The following UCP1 variants were observed in gnomAD, a reference collection of about 807,000 sequenced individuals.
UCP1 encodes the protein mitochondrial brown fat uncoupling protein 1.
A neutral mutation model predicts 26.2 loss-of-function variants in UCP1; 24 were observed. The ratio of observed to expected loss-of-function variants is 0.92; its 90% CI spans 0.66 to 1.29. The LOEUF (loss-of-function observed/expected upper bound fraction) is 1.29, where lower values mean the gene tolerates loss of function less well. Among genes scored for constraint, UCP1 ranks in the 50% most tolerant of loss-of-function variants. The pLI is 0.00. For synonymous variants in UCP1, 164 were observed against 156.8 expected, an observed-to-expected ratio of 1.05 and a Z score of -0.34; for missense variants, 402 against 388.7, an observed-to-expected ratio of 1.03 and a Z score of -0.29.
chr4:140,568,456 C>A, intron 1 of UCP1, 148 bp downstream of exon 1: 1 of 1,352,010 alleles, frequency 7.4e-7, no homozygotes, highest in Non-Finnish European at 1.0e-6. Flanking sequence ...TCCTAAAGCA[C>A]CAGCCCTGGG....
Position 140,567,840 on chromosome 4 carries a change from G to T in UCP1, c.264C>A (p.Ser88=), listed in dbSNP as rs138241273. The T allele has an allele frequency of 1.2e-6, 2 of 1,614,100 alleles. No homozygotes were observed. The highest frequency in any genetic ancestry group is 1.7e-6 in the Non-Finnish European group (2 of 1,180,010). The change falls in exon 2 of 6, where the codon TCC becomes TCA. Residue 88 remains serine, a synonymous_variant. Transcript: ENST00000262999. ...LPAGLQRQIS[S]ASLRIGLYDT... ...CGTAGAGGCCGATCCTGAGAGAGGCGGAGCTGATTTGCCGCTGAAGCCCCG... is the reference window on the plus strand; with the variant it reads ...CGTAGAGGCCGATCCTGAGAGAGGCTGAGCTGATTTGCCGCTGAAGCCCCG...
chr4:140,563,044 C>A, intron 4 of UCP1, 66 bp downstream of exon 4: 1 of 1,250,264 alleles, frequency 8.0e-7, no homozygotes, highest in East Asian at 2.3e-5. Context: ...TATAAGGTGG[C>A]TGCAGAAGCT....
At chr4:140,567,640 T>A in intron 2 of UCP1, 139 bp downstream of exon 2, 1 of 1,107,450 alleles carries the variant, frequency 9.0e-7, no homozygotes, top group Non-Finnish European at 1.3e-6. Context: ...AATGAGCTAA[T>A]GTTTGGGGAA....
rs746972878 is a variant in UCP1 at position 140,559,864 on chromosome 4, A to C, written c.*32T>G. ...TTATGATCCAGTCAGCAAGATTCCC[A>C]CTGGTATGTTACATCATTTTCTTGA... On this transcript the variant is annotated 3_prime_UTR_variant, in exon 6 of 6. Coordinates refer to ENST00000262999, the MANE Select transcript of UCP1 (RefSeq NM_021833.5). The C allele has an allele frequency of 1.6e-5, 25 of 1,524,550 alleles. No homozygotes were observed. The Admixed American group carries it at 4.2e-4, about 25-fold the overall frequency. The allele number at this position is 1,524,550 out of a possible 1,614,324, so 94.4% of individuals were successfully genotyped here.
At chr4:140,563,015 T>C (rs1419721608) in intron 4 of UCP1, 95 bp downstream of exon 4, 37 of 984,388 alleles carry the variant, frequency 3.8e-5, no homozygotes, top group Non-Finnish European at 5.5e-5. Flanking sequence ...GAGAAAACTA[T>C]TGGAGTTAAG....
chr4:140,566,664 A>G (rs1168806550), intron 2 of UCP1, among the ~76,000 whole-genome samples: 3 of 152,238 alleles, frequency 2.0e-5, no homozygotes, highest in African/African-American at 7.2e-5. Context: ...CACAGCAGAA[A>G]TGATGAAATC....
intron 1 of UCP1, 135 bp downstream of exon 1, chr4:140,568,469 A>G (rs1735854073): frequency 1.4e-6 from 2 of 1,445,508 alleles, no homozygotes; most frequent in Admixed American, 3.9e-5. Context: ...GCCCTGGGAC[A>G]AGGCCAGACT....
intron 4 of UCP1, among the ~76,000 whole-genome samples, chr4:140,562,843 C>T (rs192632180): frequency 6.6e-5 from 10 of 151,998 alleles, no homozygotes; most frequent in African/African-American, 2.4e-4. Flanking sequence ...AACAAAAGTC[C>T]CATATATTAG....
chr4:140,567,765 C>A lies in UCP1; in HGVS notation c.325+14G>T, dbSNP rs550995710. On this transcript the variant is annotated intron_variant, in intron 2 of 5. Coordinates refer to ENST00000262999, the MANE Select transcript of UCP1 (RefSeq NM_021833.5). ...AAGGCTTTTCTGCCCCTCCCAGGAA[C>A]GCTCACGGCTTACTTTCTTTCCCTG... 10 of 1,613,738 alleles carry A rather than the reference C, an allele frequency of 6.2e-6. No homozygotes were observed. The highest frequency in any genetic ancestry group is 1.7e-5 in the Admixed American group (1 of 60,026).
Position 140,568,795 on chromosome 4 carries a change from T to A in UCP1, c.-66A>T. 1 of 1,539,164 alleles carries A rather than the reference T, an allele frequency of 6.5e-7. No individual in the cohort carries two copies. On this transcript the variant is annotated 5_prime_UTR_variant, in exon 1 of 6. Transcript: ENST00000262999. ...GCCCCGAAGGTGGAGGAAGTTCCTT[T>A]CCCTTGCTCTTCACGCCTGTCCGCC...
rs747529959 is a variant in UCP1, at chr4:140,568,649, C to T, written c.81G>A (p.Ala27=). The change falls in exon 1 of 6, where the codon GCG becomes GCA. Residue 27 remains alanine, a synonymous_variant. Transcript: ENST00000262999. ...TGTCCAGCGGGAAGGTGATCACGTC[C>T]GCCAAGCACGCCGCTATTCCAGCTG... ...LFSAGIAACL[A]DVITFPLDTA... 8.1e-6 allele frequency: 13 copies of T among 1,611,936 alleles called. No individual in the cohort carries two copies. Among genetic ancestry groups the T allele is most frequent in the East Asian group, 2.2e-5 (1 of 44,830 alleles).
chr4:140,568,792 C>A lies in UCP1; in HGVS notation c.-63G>T. 8.4e-6 allele frequency: 13 copies of A among 1,539,972 alleles called. No individual in the cohort carries two copies. The highest frequency in any genetic ancestry group is 1.1e-5 in the Non-Finnish European group (13 of 1,148,024). ...CCAGCCCCGAAGGTGGAGGAAGTTC[C>A]TTTCCCTTGCTCTTCACGCCTGTCC... On this transcript the variant is annotated 5_prime_UTR_variant, in exon 1 of 6. It adds an upstream start codon to the 5' untranslated region. Transcript: ENST00000262999.
In UCP1 at chr4:140,562,261, C is replaced by T; in HGVS notation, c.741G>A (p.Gln247=). ...KTRFINSPPG[Q]YKSVPNCAMK... is the part of the protein sequence containing the mutation. ...TTGCACAGTTGGGCACACTTTTGTA[C>T]TGTCCTGGTGGAGAATTAATAAATC... The change falls in exon 5 of 6, where the codon CAG becomes CAA. Residue 247 remains glutamine (Q), a synonymous_variant. Coordinates refer to ENST00000262999, the MANE Select transcript of UCP1 (RefSeq NM_021833.5). 1 of 1,614,152 alleles carries T rather than the reference C, an allele frequency of 6.2e-7. No individual in the cohort carries two copies.
Position 140,562,253 on chromosome 4 carries a change from C to A in UCP1, c.749G>T (p.Ser250Ile). The change falls in exon 5 of 6, where the codon AGT becomes ATT. Residue 250 changes from serine (S) to isoleucine (I), a missense_variant. Ser to Ile is a moderately radical substitution (Grantham distance 142, BLOSUM62 -2). Transcript: ENST00000262999. ...FINSPPGQYK[S>I]VPNCAMKVFT... Reference sequence around the variant, plus strand: ...CACTTTCATTGCACAGTTGGGCACACTTTTGTACTGTCCTGGTGGAGAATT... The same window carrying A: ...CACTTTCATTGCACAGTTGGGCACAATTTTGTACTGTCCTGGTGGAGAATT... 1 of 1,614,160 alleles carries A rather than the reference C, an allele frequency of 6.2e-7. No homozygotes were observed. The highest frequency in any genetic ancestry group is 8.5e-7 in the Non-Finnish European group (1 of 1,180,010).
At position 140,563,365 on chromosome 4, in the gene UCP1, G is replaced by C. The variant is rs200389729; in HGVS notation, c.479C>G (p.Ala160Gly). The C allele has an allele frequency of 3.7e-6, 6 of 1,614,026 alleles. No individual in the cohort carries two copies. The highest frequency in any genetic ancestry group is 3.3e-4 in the Middle Eastern group (2 of 6,062). Residue 160 changes from alanine to glycine, a missense_variant, in exon 3 of 6, where the codon GCG becomes GGG. Physicochemically the swap from Ala to Gly is moderately conservative, Grantham distance 60 (BLOSUM62 0). Coordinates refer to ENST00000262999, the MANE Select transcript of UCP1 (RefSeq NM_021833.5). ...TTCGGTTGTTGCTATTATTCTGTAC[G>C]CATTATAAGTCCCCGTGTAGCGAGG... ...IKPRYTGTYNAYRIIATTEGL... is the reference protein window; with the variant it reads ...IKPRYTGTYNGYRIIATTEGL...
Position 140,567,918 on chromosome 4 carries a change from G to A in UCP1, c.186C>T (p.Ile62=). 6.2e-7 allele frequency: 1 copy of A among 1,614,210 alleles called. No homozygotes were observed. Among genetic ancestry groups the A allele is most frequent in the Non-Finnish European group, 8.5e-7 (1 of 1,180,042 alleles). Residue 62 remains isoleucine, a synonymous_variant, in exon 2 of 6, where the codon ATC becomes ATT. Transcript: ENST00000262999. ...VIRYKGVLGT[I]TAVVKTEGRM... ...GCCCTTCTGTTTTTACCACAGCGGT[G>A]ATTGTTCCCAGGACACCTTTATACC...
chr4:140,563,928 C>A (rs1045399643), intron 2 of UCP1, among the ~76,000 whole-genome samples: 3 of 152,102 alleles, frequency 2.0e-5, no homozygotes, highest in African/African-American at 7.2e-5. Flanking sequence ...ATTCTTACAG[C>A]TTTTCTATTT....
At position 140,559,966 on chromosome 4, in the gene UCP1, A is replaced by G; in HGVS notation, c.854T>C (p.Met285Thr). Residue 285 changes from methionine to threonine, a missense_variant, in exon 6 of 6, where the codon ATG becomes ACG. Physicochemically the swap from Met to Thr is moderately conservative, Grantham distance 81. Coordinates refer to ENST00000262999, the MANE Select transcript of UCP1 (RefSeq NM_021833.5). The stretch of plus-strand genomic sequence containing the variant: ...TTTCAGTTGTTCAAAGCACACAAAC[A>G]TAATGACGTTCCAGGATCCAAGTCG... ...FLRLGSWNVI[M>T]FVCFEQLKRE... 1 of 1,614,154 alleles carries G rather than the reference A, an allele frequency of 6.2e-7. No individual in the cohort carries two copies. The highest frequency in any genetic ancestry group is 8.5e-7 in the Non-Finnish European group (1 of 1,180,010).
In UCP1 at chr4:140,568,193, G is replaced by T. The variant is rs1032047125; in HGVS notation, c.127-216C>A. 2.7e-5 allele frequency among the ~76,000 whole-genome samples: 4 copies of T among 150,500 alleles called. No homozygotes were observed. The Admixed American group carries it at 2.7e-4, about 10-fold the overall frequency. Reference sequence around the variant, plus strand: ...CAGATGGAGGGAGGCTGGCTACAATGCACATTTTGAATATCCCCCTCCCCA... The same window carrying T: ...CAGATGGAGGGAGGCTGGCTACAATTCACATTTTGAATATCCCCCTCCCCA... On this transcript the variant is annotated intron_variant, in intron 1 of 5. Transcript: ENST00000262999.
Sources: gnomAD v4.1 joint callset for allele counts (sites outside exome capture counted in the v4.1 genomes callset) on GRCh38, gnomAD v4.1.1 for gene constraint, MANE v1.5 for transcripts, NCBI Gene and HGNC (gene_info 2026-07-23, HGNC 2026-07-21) for gene names.